PHACTR2: variants seen among roughly 807,000 people sequenced by gnomAD.
PHACTR2 encodes the protein chromosome 6 open reading frame 56.
Under a neutral mutation model 76.0 loss-of-function variants are expected in PHACTR2, and 30 were observed. The observed-to-expected ratio is 0.39, with a 90% CI of 0.30 to 0.54. PHACTR2 has a LOEUF of 0.54. Among genes scored for constraint, PHACTR2 ranks in the 20% least tolerant of loss-of-function variants. The pLI is 0.61. For missense variants in PHACTR2, 696 were observed against 781.1 expected (o/e 0.89, Z 1.30); for synonymous variants, 292 against 292.5 (o/e 1.00, Z 0.02).
intron 4 of PHACTR2, among the ~76,000 whole-genome samples, chr6:143,759,203 G>C (rs1015173802): frequency 1.3e-5 from 2 of 152,166 alleles, no homozygotes; most frequent in Non-Finnish European, 2.9e-5. Flanking sequence ...TTCTCCTCCG[G>C]TTACACAAAA....
chr6:143,740,606 G>A (rs1370745573), intron 2 of PHACTR2, among the ~76,000 whole-genome samples: 1 of 152,034 alleles, frequency 6.6e-6, no homozygotes, highest in African/African-American at 2.4e-5. Context: ...TGCTTGTGGA[G>A]TAAGGCTGAG....
chr6:143,760,544 G>T lies in PHACTR2; in HGVS notation c.598G>T (p.Glu200Ter). 6.2e-7 allele frequency: 1 copy of T among 1,613,926 alleles called. No individual in the cohort carries two copies. Among genetic ancestry groups the T allele is most frequent in the Non-Finnish European group, 8.5e-7 (1 of 1,179,868 alleles). Residue 200 changes from glutamate to a stop codon, truncating the protein, a stop_gained, in exon 5 of 13, where the codon GAA (glutamate) becomes TAA (stop). Coordinates refer to ENST00000440869, the MANE Select transcript of PHACTR2 (RefSeq NM_001100164.2). LOFTEE classifies it high-confidence loss of function. The surrounding 1 kb of genome is among the most constrained non-coding windows in gnomAD (Gnocchi z 6.4). ...ATAGASHKGD[E>*]VPPIKKNTKA... is the part of the protein sequence containing the mutation. ...TGCTGGGGCCAGCCACAAAGGTGAT[G>T]AAGTGCCTCCCATTAAAAAAAATAC... is the stretch of plus-strand genomic sequence containing the variant.
chr6:143,825,086 T>G lies in PHACTR2; in HGVS notation c.*1397T>G, dbSNP rs1222166451. The G allele has an allele frequency of 1.3e-5, 2 of 152,668 alleles. No individual in the cohort carries two copies. The highest frequency in any genetic ancestry group is 2.9e-5 in the Non-Finnish European group (2 of 68,044). The allele number at this position is 152,668 out of a possible 1,614,324, so 9.5% of individuals were successfully genotyped here. A position where few individuals can be genotyped will look rare whatever the true frequency, so the allele number is the denominator to read the frequency against. On this transcript the variant is annotated 3_prime_UTR_variant, in exon 13 of 13. Transcript: ENST00000440869. The surrounding 1 kb of genome is among the most constrained non-coding windows in gnomAD (Gnocchi z 4.1). ...CTGCTCCCAAATACATATGACCATA[T>G]GTAAATACCACCTTGCATTTCATTG...
Position 143,684,760 on chromosome 6 carries a change from T to C in PHACTR2, c.46+6551T>C, listed in dbSNP as rs148096217. 8.2e-4 allele frequency among the ~76,000 whole-genome samples: 125 copies of C among 152,316 alleles called. No homozygotes were observed. Among genetic ancestry groups the C allele is most frequent in the African/African-American group, 3.0e-3 (123 of 41,566 alleles). The stretch of plus-strand genomic sequence containing the variant: ...AGCACAGACTTAACAAGTGGAACTT[T>C]AGCATGTATTTAATTCCCACTCATT... On this transcript the variant is annotated intron_variant, in intron 1 of 12. Transcript: ENST00000440869. The surrounding 1 kb of genome is among the most constrained non-coding windows in gnomAD (Gnocchi z 4.3).
intron 11 of PHACTR2, among the ~76,000 whole-genome samples, chr6:143,790,563 T>C (rs1775658186): frequency 6.6e-6 from 1 of 152,186 alleles, no homozygotes; most frequent in Admixed American, 6.6e-5. Context: ...TGGATACCAC[T>C]CCACCGAAGT....
In PHACTR2 at chr6:143,557,315, A is replaced by G. The variant is rs1562683000; in HGVS notation, c.217+20108A>G. On this transcript the variant is annotated intron_variant, in intron 1 of 11. Coordinates refer to the PHACTR2 transcript ENST00000367584. The surrounding 1 kb of genome is among the most constrained non-coding windows in gnomAD (Gnocchi z 5.5). ...ATTTGCCCCATTTCACAGATGGGGA[A>G]AGTGGAGAGGGAGGTAAATCATCTT... Among the ~76,000 whole-genome samples the G allele has an allele frequency of 1.3e-5, 2 of 152,182 alleles. No homozygotes were observed. Among genetic ancestry groups the G allele is most frequent in the Admixed American group, 6.5e-5 (1 of 15,284 alleles).
At chr6:143,797,521 T>C (rs1775853257) in intron 11 of PHACTR2, among the ~76,000 whole-genome samples, 1 of 152,240 alleles carries the variant, frequency 6.6e-6, no homozygotes, top group African/African-American at 2.4e-5. Context: ...GCCCAGGTTT[T>C]CTTCTAGGAT....
At position 143,648,382 on chromosome 6, in the gene PHACTR2, C is replaced by T. The variant is rs17072851; in HGVS notation, c.13+40060C>T. Among the ~76,000 whole-genome samples, 10,796 of 152,132 alleles carry T rather than the reference C, an allele frequency of 0.071. 746 individuals are homozygous for T. The highest frequency in any genetic ancestry group is 0.18 in the African/African-American group (7,498 of 41,456). On this transcript the variant is annotated intron_variant, in intron 1 of 11. Coordinates refer to the PHACTR2 transcript ENST00000305766. The surrounding 1 kb of genome is among the most constrained non-coding windows in gnomAD (Gnocchi z 6.7). The stretch of plus-strand genomic sequence containing the variant: ...TCATCATAGTTCTAAATAGATTCCT[C>T]AAAAGAATTAAATTCAAAGGGCAAA...
Position 143,753,244 on chromosome 6 carries a change from A to G in PHACTR2, c.296-510A>G, listed in dbSNP as rs559618547. ...AGTTATATTACTGTGTGAAGTTAGC[A>G]CATCATATACTTAATATATTCTGGA... On this transcript the variant is annotated intron_variant, in intron 3 of 12. Coordinates refer to ENST00000440869, the MANE Select transcript of PHACTR2 (RefSeq NM_001100164.2). The surrounding 1 kb of genome is among the most constrained non-coding windows in gnomAD (Gnocchi z 4.6). Among the ~76,000 whole-genome samples, 1 of 152,280 alleles carries G rather than the reference A, an allele frequency of 6.6e-6. No homozygotes were observed. Among genetic ancestry groups the G allele is most frequent in the East Asian group, 1.9e-4 (1 of 5,184 alleles).
chr6:143,642,134 A>C (rs1225654743), intron 1 of PHACTR2, among the ~76,000 whole-genome samples: 1 of 152,178 alleles, frequency 6.6e-6, no homozygotes, highest in African/African-American at 2.4e-5. Context: ...GTCAGGATAC[A>C]CTGGCCTTAT....
rs781194733 is a variant in PHACTR2 at position 143,599,648 on chromosome 6, C to G, written c.217+62441C>G. ...TGTTTGATGAATCCCAAACAGCCTACGGAGGAAATTTTTTGAGTTGCAAAG... is the reference window on the plus strand; with the variant it reads ...TGTTTGATGAATCCCAAACAGCCTAGGGAGGAAATTTTTTGAGTTGCAAAG... On this transcript the variant is annotated intron_variant, in intron 1 of 11. Transcript: ENST00000367584. The surrounding 1 kb of genome is among the most constrained non-coding windows in gnomAD (Gnocchi z 4.6). 6.6e-6 allele frequency among the ~76,000 whole-genome samples: 1 copy of G among 152,128 alleles called. No individual in the cohort carries two copies. Among genetic ancestry groups the G allele is most frequent in the Non-Finnish European group, 1.5e-5 (1 of 68,010 alleles).
In PHACTR2 at chr6:143,824,611, C is replaced by A. The variant is rs1212915353; in HGVS notation, c.*922C>A. The stretch of plus-strand genomic sequence containing the variant: ...CCAAAGTCAAAGCAACCATACTTCA[C>A]CTAGAGAAGACAGTATTGGCAATCA... On this transcript the variant is annotated 3_prime_UTR_variant, in exon 13 of 13. Transcript: ENST00000440869. The surrounding 1 kb of genome is among the most constrained non-coding windows in gnomAD (Gnocchi z 6.3). The A allele has an allele frequency of 1.3e-5, 2 of 152,580 alleles. No homozygotes were observed. Among genetic ancestry groups the A allele is most frequent in the African/African-American group, 4.8e-5 (2 of 41,432 alleles). 9.5% of individuals were successfully genotyped at this position (152,580 alleles called of 1,614,324 possible). A position where few individuals can be genotyped will look rare whatever the true frequency, so the allele number is the denominator to read the frequency against.
Position 143,689,174 on chromosome 6 carries a change from T to C in PHACTR2, c.46+10965T>C, listed in dbSNP as rs1200364474. Among the ~76,000 whole-genome samples the C allele has an allele frequency of 6.6e-6, 1 of 152,206 alleles. No individual in the cohort carries two copies. The highest frequency in any genetic ancestry group is 1.5e-5 in the Non-Finnish European group (1 of 68,030). ...GTGCTTCATAGAGACCTTCCCTGCC[T>C]ACCCCTCTCCAGAATAACCCACCCA... is the stretch of plus-strand genomic sequence containing the variant. On this transcript the variant is annotated intron_variant, in intron 1 of 12. Transcript: ENST00000440869. This position sits in a 1 kb window ranked among gnomAD's most constrained non-coding sequence, Gnocchi z 4.4.
intron 1 of PHACTR2, among the ~76,000 whole-genome samples, chr6:143,601,438 A>T (rs1775813688): frequency 6.6e-6 from 1 of 152,206 alleles, no homozygotes; most frequent in Admixed American, 6.5e-5. Context: ...GGCTGCTTGC[A>T]GGTTTTTTTA....
chr6:143,796,910 C>T (rs1175919895), intron 11 of PHACTR2, among the ~76,000 whole-genome samples: 1 of 152,096 alleles, frequency 6.6e-6, no homozygotes, highest in African/African-American at 2.4e-5. Context: ...ATTTCTAATC[C>T]TTTGGGTATA....
Position 143,616,595 on chromosome 6 carries a change from G to A in PHACTR2, c.13+8273G>A, listed in dbSNP as rs532485912. Among the ~76,000 whole-genome samples the A allele has an allele frequency of 2.0e-5, 3 of 152,238 alleles. No homozygotes were observed. The highest frequency in any genetic ancestry group is 7.2e-5 in the African/African-American group (3 of 41,556). ...GGTCACCCACTCTGTGCCACGCAAT[G>A]TCCTAGTTAGTGTGGATATGAGAGA... On this transcript the variant is annotated intron_variant, in intron 1 of 11. Transcript: ENST00000305766. This position sits in a 1 kb window ranked among gnomAD's most constrained non-coding sequence, Gnocchi z 4.9.
intron 1 of PHACTR2, among the ~76,000 whole-genome samples, chr6:143,690,731 G>C (rs926969637): frequency 2.6e-5 from 4 of 152,158 alleles, no homozygotes; most frequent in African/African-American, 9.7e-5. Flanking sequence ...TCTCAACTTT[G>C]ACCTGGCTTG....
chr6:143,777,303 TA>T lies in PHACTR2; in HGVS notation c.1590-23del. On this transcript the variant is annotated intron_variant, in intron 8 of 12. Coordinates refer to ENST00000440869, the MANE Select transcript of PHACTR2 (RefSeq NM_001100164.2). The surrounding 1 kb of genome is among the most constrained non-coding windows in gnomAD (Gnocchi z 4.6). ...ACTAGGGTACCTTGTTTTTAACCTG[TA>T]ATATATCCTTTTTGTCATCATAGGA... 1 of 1,446,178 alleles carries T rather than the reference TA, an allele frequency of 6.9e-7. No individual in the cohort carries two copies. Among genetic ancestry groups the T allele is most frequent in the Non-Finnish European group, 9.7e-7 (1 of 1,035,914 alleles). The allele number at this position is 1,446,178 out of a possible 1,614,324, so 89.6% of individuals were successfully genotyped here.
In PHACTR2 at chr6:143,578,913, T is replaced by TA. The variant is rs35181006; in HGVS notation, c.217+41706_217+41707insA. Among the ~76,000 whole-genome samples, 3 of 151,780 alleles carry TA rather than the reference T, an allele frequency of 2.0e-5. No individual in the cohort carries two copies. Among genetic ancestry groups the TA allele is most frequent in the African/African-American group, 7.3e-5 (3 of 41,266 alleles). On this transcript the variant is annotated intron_variant, in intron 1 of 11. Transcript: ENST00000367584. This position sits in a 1 kb window ranked among gnomAD's most constrained non-coding sequence, Gnocchi z 4.5. Reference sequence around the variant, plus strand: ...TAATCCTGCCCCCAAAACTTTTTTTTTTGTTGTTGAGACAGGATCTTGTTC... The same window carrying TA: ...TAATCCTGCCCCCAAAACTTTTTTTTATTGTTGTTGAGACAGGATCTTGTTC...
Sources: allele counts gnomAD v4.1 joint callset (sites outside exome capture counted in the v4.1 genomes callset), GRCh38; gene constraint gnomAD v4.1.1; non-coding constraint Gnocchi (gnomAD v3.1); transcripts MANE v1.5; gene names NCBI Gene and HGNC (gene_info 2026-07-23, HGNC 2026-07-21).